CTNNA2: variants seen among roughly 807,000 people sequenced by gnomAD.
CTNNA2 encodes the protein catenin alpha-2.
In CTNNA2, 42 loss-of-function variants were observed where a neutral mutation model predicts 101.0. The observed-to-expected ratio is 0.42, with a 90% CI of 0.32 to 0.54. CTNNA2 has a LOEUF of 0.54. Among genes scored for constraint, CTNNA2 ranks in the 20% least tolerant of loss-of-function variants. CTNNA2 has a pLI of 0.14. For missense variants in CTNNA2, 871 were observed against 1,223.1 expected (o/e 0.71, Z 4.29); for synonymous variants, 450 against 456.4 (o/e 0.99, Z 0.18).
chr2:79,344,956 G>A (rs994209010), intron 3 of CTNNA2, among the ~76,000 whole-genome samples: 1 of 149,262 alleles, frequency 6.7e-6, no homozygotes, highest in African/African-American at 2.5e-5. Context: ...TGGTATTTGG[G>A]AGGTATACAC....
intron 3 of CTNNA2, among the ~76,000 whole-genome samples, chr2:79,769,077 G>A (rs553071012): frequency 3.9e-5 from 6 of 152,160 alleles, no homozygotes; most frequent in Admixed American, 6.5e-5. Context: ...GGATGGTCTC[G>A]ATCTCCTGAC....
At chr2:80,400,488 G>A (rs1678457420) in intron 8 of CTNNA2, among the ~76,000 whole-genome samples, 1 of 152,064 alleles carries the variant, frequency 6.6e-6, no homozygotes, top group Non-Finnish European at 1.5e-5. Context: ...TGCTTGGGTG[G>A]AAAATTGTGA....
At chr2:80,363,602 T>C (rs1674630314) in intron 7 of CTNNA2, among the ~76,000 whole-genome samples, 1 of 152,108 alleles carries the variant, frequency 6.6e-6, no homozygotes, top group Non-Finnish European at 1.5e-5. Flanking sequence ...CCTCCTCTAT[T>C]TGCGTGAGGA....
chr2:80,127,999 G>A (rs1389389638), intron 7 of CTNNA2, among the ~76,000 whole-genome samples: 3 of 151,806 alleles, frequency 2.0e-5, no homozygotes, highest in Non-Finnish European at 2.9e-5. Context: ...TTGGACAGGC[G>A]ATTGTCATGG....
At chr2:79,570,643 G>T (rs554476962) in intron 1 of CTNNA2, among the ~76,000 whole-genome samples, 1 of 151,718 alleles carries the variant, frequency 6.6e-6, no homozygotes, top group Non-Finnish European at 1.5e-5. Context: ...TTTTATTGGG[G>T]GTATTCAGAA....
intron 2 of CTNNA2, chr2:79,687,638 G>T (rs1208087820): frequency 1.0e-5 from 7 of 671,956 alleles, no homozygotes; most frequent in Non-Finnish European, 1.9e-5. Context: ...TCTTGAAAAA[G>T]GATACCTGTT....
At chr2:80,057,945 C>T (rs1484389575) in intron 7 of CTNNA2, among the ~76,000 whole-genome samples, 1 of 152,052 alleles carries the variant, frequency 6.6e-6, no homozygotes, top group African/African-American at 2.4e-5. Context: ...ACCTTTCATA[C>T]TAAAAATGAG....
intron 2 of CTNNA2, among the ~76,000 whole-genome samples, chr2:79,284,943 T>A (rs1675520195): frequency 8.0e-6 from 1 of 124,720 alleles, no homozygotes; most frequent in African/African-American, 3.0e-5. Flanking sequence ...TCAGATCCTG[T>A]TATTGGTCTA....
intron 7 of CTNNA2, among the ~76,000 whole-genome samples, chr2:80,080,418 T>C (rs963887715): frequency 4.6e-5 from 7 of 152,166 alleles, no homozygotes; most frequent in Non-Finnish European, 1.0e-4. Context: ...GACAATTCGA[T>C]AGGGAAACAG....
At chr2:80,005,380 C>T (rs1056961128) in intron 7 of CTNNA2, among the ~76,000 whole-genome samples, 4 of 152,162 alleles carry the variant, frequency 2.6e-5, no homozygotes, top group Non-Finnish European at 5.9e-5. Flanking sequence ...TTTCAAATCT[C>T]TTGTTTACCA....
chr2:79,510,106 C>G (rs529520323), upstream of CTNNA2, among the ~76,000 whole-genome samples: 3 of 152,286 alleles, frequency 2.0e-5, no homozygotes, highest in East Asian at 5.8e-4. Context: ...CATTTGATTG[C>G]ACATTAAATT....
At chr2:80,565,540 G>T (rs1332940128) in intron 12 of CTNNA2, among the ~76,000 whole-genome samples, 1 of 150,748 alleles carries the variant, frequency 6.6e-6, no homozygotes, top group African/African-American at 2.4e-5. Flanking sequence ...TTTCCATGGT[G>T]AATCGTGTGG....
intron 1 of CTNNA2, among the ~76,000 whole-genome samples, chr2:79,606,298 C>T (rs1051761950): frequency 1.7e-4 from 26 of 152,146 alleles, no homozygotes; most frequent in African/African-American, 5.1e-4. Context: ...GACAGAGTCT[C>T]GCTCTGGCAC....
chr2:80,477,816 A>G (rs938865033), intron 9 of CTNNA2, among the ~76,000 whole-genome samples: 1 of 151,758 alleles, frequency 6.6e-6, no homozygotes, highest in Non-Finnish European at 1.5e-5. Flanking sequence ...GGTTAATTCC[A>G]TATCTTTGCA....
chr2:79,528,271 G>A (rs927761175), intron 1 of CTNNA2, among the ~76,000 whole-genome samples: 1 of 151,696 alleles, frequency 6.6e-6, no homozygotes, highest in Admixed American at 6.6e-5. Flanking sequence ...TAAGTGCAGT[G>A]GTGCAACCAT....
At chr2:80,626,850 G>T (rs1178764852) in intron 18 of CTNNA2, among the ~76,000 whole-genome samples, 1 of 151,990 alleles carries the variant, frequency 6.6e-6, no homozygotes, top group African/African-American at 2.4e-5. Context: ...TTCTCCTAAT[G>T]CTATCCCTCC....
At chr2:80,440,857 T>G (rs1225098899) in intron 9 of CTNNA2, among the ~76,000 whole-genome samples, 1 of 152,190 alleles carries the variant, frequency 6.6e-6, no homozygotes, top group Non-Finnish European at 1.5e-5. Context: ...TAGACAACCC[T>G]GACCCTCAAT....
intron 2 of CTNNA2, among the ~76,000 whole-genome samples, chr2:79,259,610 A>ATCC: frequency 6.6e-6 from 1 of 152,258 alleles, no homozygotes; most frequent in Middle Eastern, 3.4e-3. Context: ...AGGGTACAGG[A>ATCC]CAAGTTTGAG....
chr2:79,198,495 A>G (rs1486862227), intron 2 of CTNNA2, among the ~76,000 whole-genome samples: 1 of 152,336 alleles, frequency 6.6e-6, no homozygotes, highest in Admixed American at 6.5e-5. Context: ...ATAAACCAGC[A>G]TTAGTTATTT....
Sources: gnomAD v4.1 joint callset for allele counts (sites outside exome capture counted in the v4.1 genomes callset) on GRCh38, gnomAD v4.1.1 for gene constraint, MANE v1.5 for transcripts, NCBI Gene and HGNC (gene_info 2026-07-23, HGNC 2026-07-21) for gene names.